Variants in ELP4 observed in about 807,000 individuals in gnomAD.
The protein encoded by ELP4 is elongator complex protein 4.
A neutral mutation model predicts 48.9 loss-of-function variants in ELP4; 51 were observed. The observed-to-expected ratio is 1.04, with a 90% confidence interval of 0.83 to 1.32. ELP4 has a LOEUF of 1.32. ELP4 is among the 40% of genes most tolerant of loss of function. ELP4 has a pLI of 0.00. For missense variants in ELP4, 519 were observed against 514.6 expected, an observed-to-expected ratio of 1.01 and a Z score of -0.08; for synonymous variants, 210 against 189.2, an observed-to-expected ratio of 1.11 and a Z score of -0.90.
intron 7 of ELP4, among the ~76,000 whole-genome samples, chr11:31,643,466 T>G (rs1945140901): frequency 6.6e-6 from 1 of 151,880 alleles, no homozygotes; most frequent in South Asian, 2.1e-4. Flanking sequence ...TATTTTGTGT[T>G]CGTACAAATT....
At chr11:31,518,665 G>A (rs1002980775) in intron 1 of ELP4, among the ~76,000 whole-genome samples, 3 of 151,618 alleles carry the variant, frequency 2.0e-5, no homozygotes, top group African/African-American at 7.3e-5. Context: ...GGGAAGTCCA[G>A]GCAGGTGAAT....
intron 2 of ELP4, among the ~76,000 whole-genome samples, chr11:31,530,383 C>T (rs964266720): frequency 3.3e-5 from 5 of 151,976 alleles, no homozygotes; most frequent in African/African-American, 9.7e-5. Context: ...AAACTGTTTA[C>T]GTACACAAAG....
intron 3 of ELP4, among the ~76,000 whole-genome samples, chr11:31,540,370 C>A (rs1267952924): frequency 1.3e-5 from 2 of 152,192 alleles, no homozygotes; most frequent in East Asian, 1.9e-4. Flanking sequence ...ATATAATCAG[C>A]AAATTGGCTG....
At chr11:31,729,457 T>C (rs1362736262) in intron 9 of ELP4, among the ~76,000 whole-genome samples, 1 of 152,182 alleles carries the variant, frequency 6.6e-6, no homozygotes, top group African/African-American at 2.4e-5. Flanking sequence ...ACTAGTGGCA[T>C]AATGTGTAAT....
chr11:31,701,868 T>A (rs1444261935), intron 9 of ELP4, among the ~76,000 whole-genome samples: 1 of 151,970 alleles, frequency 6.6e-6, no homozygotes, highest in Non-Finnish European at 1.5e-5. Context: ...CATTTTATAT[T>A]ATAAACACCT....
chr11:31,566,327 T>C (rs555337180), intron 3 of ELP4, among the ~76,000 whole-genome samples: 25 of 151,830 alleles, frequency 1.6e-4, no homozygotes, highest in Non-Finnish European at 3.4e-4. Context: ...CACTGCACTC[T>C]ATCCTGGGCG....
At chr11:31,687,492 G>T (rs1404780320) in intron 9 of ELP4, among the ~76,000 whole-genome samples, 1 of 152,190 alleles carries the variant, frequency 6.6e-6, no homozygotes. Flanking sequence ...TTGGCAATAT[G>T]AGGCTCATAG....
chr11:31,558,466 A>G (rs917225899), intron 3 of ELP4, among the ~76,000 whole-genome samples: 1 of 152,336 alleles, frequency 6.6e-6, no homozygotes, highest in East Asian at 1.9e-4. Context: ...TTATTCATCA[A>G]TCAACAAAAG....
chr11:31,736,660 G>A (rs538245541), intron 9 of ELP4, among the ~76,000 whole-genome samples: 2 of 152,128 alleles, frequency 1.3e-5, no homozygotes, highest in Non-Finnish European at 2.9e-5. Context: ...TCAAAAAGTG[G>A]GCAAAGGATC....
intron 9 of ELP4, among the ~76,000 whole-genome samples, chr11:31,723,881 G>A (rs937306019): frequency 6.6e-6 from 1 of 152,138 alleles, no homozygotes; most frequent in Non-Finnish European, 1.5e-5. Context: ...ATCCTAATTG[G>A]TTGCAGGTAC....
At chr11:31,742,251 A>G (rs1947472771) in intron 9 of ELP4, among the ~76,000 whole-genome samples, 1 of 152,250 alleles carries the variant, frequency 6.6e-6, no homozygotes, top group African/African-American at 2.4e-5. Flanking sequence ...CTATGTGAAA[A>G]GACCAAAACT....
rs533560311 is a variant in ELP4 at position 31,601,258 on chromosome 11, A to G, written c.514-2510A>G. 4.0e-5 allele frequency among the ~76,000 whole-genome samples: 6 copies of G among 151,344 alleles called. 1 individual carries two copies. The South Asian group carries it at 1.2e-3, about 31-fold the overall frequency. On this transcript the variant is annotated intron_variant, in intron 4 of 9. Transcript: ENST00000640961. ...TTTCAGTGTTTCAAAATCTGATTAT[A>G]TGTTAATGTTATATGTCTTGAGCAG...
chr11:31,702,841 G>A (rs1210692723), intron 9 of ELP4, among the ~76,000 whole-genome samples: 1 of 151,994 alleles, frequency 6.6e-6, no homozygotes, highest in Non-Finnish European at 1.5e-5. Context: ...TATAAAATGA[G>A]GATATCAATG....
chr11:31,600,799 G>A (rs1476543276), intron 4 of ELP4, among the ~76,000 whole-genome samples: 1 of 152,074 alleles, frequency 6.6e-6, no homozygotes, highest in East Asian at 1.9e-4. Context: ...AATAACAACA[G>A]TAAGAAAAGG....
Position 31,603,769 on chromosome 11 carries a change from T to C in ELP4, c.515T>C (p.Ile172Thr). 1 of 1,608,208 alleles carries C rather than the reference T, an allele frequency of 6.2e-7. No homozygotes were observed. The highest frequency in any genetic ancestry group is 8.5e-7 in the Non-Finnish European group (1 of 1,176,490). Reference sequence around the variant, plus strand: ...CCACTATGGGGTTTATTTTAGCAGATTGGACCAGTATCATCTTCAAGATTT... The same window carrying C: ...CCACTATGGGGTTTATTTTAGCAGACTGGACCAGTATCATCTTCAAGATTT... Reference protein sequence around the residue: ...WRYQLLPKMEIGPVSSSRFGH... With the variant: ...WRYQLLPKMETGPVSSSRFGH... The change falls in exon 5 of 10, where the codon ATT (isoleucine) becomes ACT (threonine). Residue 172 changes from isoleucine (I) to threonine (T), a missense_variant and splice_region_variant. Transcript: ENST00000640961.
intron 5 of ELP4, among the ~76,000 whole-genome samples, chr11:31,617,669 C>A (rs1944520216): frequency 1.4e-5 from 2 of 146,206 alleles, no homozygotes; most frequent in African/African-American, 2.5e-5. Flanking sequence ...AAATCAAAAC[C>A]AAACAAAGAA....
At chr11:31,747,023 C>T (rs1167309895) in intron 9 of ELP4, among the ~76,000 whole-genome samples, 1 of 143,914 alleles carries the variant, frequency 6.9e-6, no homozygotes, top group Non-Finnish European at 1.5e-5. Context: ...TCATTTTAAC[C>T]AGACTAACAC....
At chr11:31,724,076 C>T (rs1019277007) in intron 9 of ELP4, among the ~76,000 whole-genome samples, 1 of 152,160 alleles carries the variant, frequency 6.6e-6, no homozygotes, top group Non-Finnish European at 1.5e-5. Context: ...TCACCTCTAC[C>T]CCCACATTGC....
At chr11:31,613,139 T>G (rs970707612) in intron 5 of ELP4, among the ~76,000 whole-genome samples, 3 of 152,200 alleles carry the variant, frequency 2.0e-5, no homozygotes, top group African/African-American at 7.2e-5. Flanking sequence ...CTGCAGAAGT[T>G]TTTTCTGTAT....
Sources: allele counts gnomAD v4.1 joint callset (sites outside exome capture counted in the v4.1 genomes callset), GRCh38; gene constraint gnomAD v4.1.1; transcripts MANE v1.5; gene names NCBI Gene and HGNC (gene_info 2026-07-23, HGNC 2026-07-21).